IMMP2L: variants seen among roughly 807,000 people sequenced by gnomAD.
IMMP2L encodes inner mitochondrial membrane peptidase subunit 2, also known as mitochondrial inner membrane protease subunit 2.
Under a neutral mutation model 19.3 loss-of-function variants are expected in IMMP2L, and 18 were observed. The ratio of observed to expected loss-of-function variants is 0.93; its 90% CI spans 0.64 to 1.38. The LOEUF is 1.38. Among genes scored for constraint, IMMP2L ranks in the 40% most tolerant of loss-of-function variants. IMMP2L has a pLI of 0.00. For missense variants in IMMP2L, 233 were observed against 218.2 expected (o/e 1.07, Z -0.43); for synonymous variants, 76 against 73.0 (o/e 1.04, Z -0.21).
At chr7:111,087,450 A>G (rs1237207893) in intron 3 of IMMP2L, among the ~76,000 whole-genome samples, 2 of 151,490 alleles carry the variant, frequency 1.3e-5, no homozygotes. Flanking sequence ...CTCCATCTTA[A>G]AAAAAGAAAA....
intron 3 of IMMP2L, among the ~76,000 whole-genome samples, chr7:111,399,188 A>G (rs1380048081): frequency 6.6e-6 from 1 of 152,158 alleles, no homozygotes; most frequent in Non-Finnish European, 1.5e-5. Context: ...AGACTAAGCA[A>G]AAAGAACAAA....
intron 3 of IMMP2L, among the ~76,000 whole-genome samples, chr7:111,438,698 C>A (rs138095232): frequency 2.6e-5 from 4 of 151,904 alleles, no homozygotes; most frequent in Middle Eastern, 3.4e-3. Context: ...GCAGAGAAAG[C>A]CAATGTGAAA....
In IMMP2L at chr7:110,693,036, C is replaced by A. The variant is rs531750323; in HGVS notation, c.409-29315G>T. ...TTTTAAACAATTCTTCCTGGTGATG[C>A]ATCTCCATATTCAAGTTTGAGATCA... On this transcript the variant is annotated intron_variant, in intron 5 of 5. Transcript: ENST00000405709. Among the ~76,000 whole-genome samples the A allele has an allele frequency of 5.9e-5, 9 of 152,312 alleles. No individual in the cohort carries two copies. In the South Asian group the frequency reaches 1.4e-3, roughly 25 times the overall value.
chr7:111,052,164 G>A (rs944647893), intron 3 of IMMP2L, among the ~76,000 whole-genome samples: 2 of 152,164 alleles, frequency 1.3e-5, no homozygotes, highest in Admixed American at 6.5e-5. Flanking sequence ...TTTCTTTGAC[G>A]TATTTTAAAA....
chr7:110,985,417 G>T (rs1364481631), intron 3 of IMMP2L, among the ~76,000 whole-genome samples: 2 of 151,990 alleles, frequency 1.3e-5, no homozygotes, highest in Non-Finnish European at 2.9e-5. Flanking sequence ...AAATCATGAG[G>T]ATTATTGCTA....
chr7:111,311,417 T>C (rs1444826527), intron 3 of IMMP2L, among the ~76,000 whole-genome samples: 1 of 152,042 alleles, frequency 6.6e-6, no homozygotes, highest in Non-Finnish European at 1.5e-5. Context: ...ATTTTGGGTC[T>C]CCCCTCCCTG....
chr7:110,983,334 A>G (rs1821501146), intron 3 of IMMP2L, among the ~76,000 whole-genome samples: 1 of 151,708 alleles, frequency 6.6e-6, no homozygotes. Flanking sequence ...TTCTAAAAGT[A>G]ATACTTCATA....
chr7:111,234,130 G>A (rs1311102992), intron 3 of IMMP2L, among the ~76,000 whole-genome samples: 1 of 151,998 alleles, frequency 6.6e-6, no homozygotes, highest in Non-Finnish European at 1.5e-5. Flanking sequence ...TTTTCATTCA[G>A]TTCAGTTCAG....
chr7:110,749,491 CA>C (rs1797591176), intron 5 of IMMP2L, among the ~76,000 whole-genome samples: 1 of 152,080 alleles, frequency 6.6e-6, no homozygotes, highest in Non-Finnish European at 1.5e-5. Context: ...GACTTGGAAC[CA>C]ACCCAAATGC....
chr7:110,857,410 AT>A (rs1443065412), intron 5 of IMMP2L, among the ~76,000 whole-genome samples: 3 of 152,096 alleles, frequency 2.0e-5, no homozygotes, highest in East Asian at 1.9e-4. Context: ...CTGTCTTCAG[AT>A]TGTATATTAT....
chr7:111,425,127 G>A (rs1835940488), intron 3 of IMMP2L, among the ~76,000 whole-genome samples: 1 of 151,770 alleles, frequency 6.6e-6, no homozygotes, highest in Non-Finnish European at 1.5e-5. Context: ...TTTAGGGATT[G>A]CTTCCCCTTT....
chr7:111,555,695 G>C (rs974790716), intron 1 of IMMP2L, among the ~76,000 whole-genome samples: 7 of 151,668 alleles, frequency 4.6e-5, no homozygotes, highest in Non-Finnish European at 1.0e-4. Flanking sequence ...ATGTCCCCTA[G>C]GTTTACCTAT....
chr7:111,414,133 C>T (rs923715356), intron 3 of IMMP2L, among the ~76,000 whole-genome samples: 1 of 151,726 alleles, frequency 6.6e-6, no homozygotes, highest in Non-Finnish European at 1.5e-5. Flanking sequence ...ACTTCCACCA[C>T]ATACCACAGA....
intron 5 of IMMP2L, among the ~76,000 whole-genome samples, chr7:110,850,466 G>T (rs1442488710): frequency 2.0e-5 from 3 of 152,026 alleles, no homozygotes; most frequent in Non-Finnish European, 2.9e-5. Context: ...CTGAAAGTGG[G>T]TTTACATATG....
At chr7:110,915,987 C>T (rs1813568252) in intron 4 of IMMP2L, among the ~76,000 whole-genome samples, 1 of 152,128 alleles carries the variant, frequency 6.6e-6, no homozygotes, top group Admixed American at 6.6e-5. Flanking sequence ...AAGTGTTTAA[C>T]ACAGCCAATA....
At chr7:110,953,819 T>C (rs539019585) in intron 4 of IMMP2L, among the ~76,000 whole-genome samples, 1 of 152,212 alleles carries the variant, frequency 6.6e-6, no homozygotes, top group Non-Finnish European at 1.5e-5. Context: ...CCACATCCTC[T>C]CCAGCATCTG....
At chr7:110,860,691 TTA>T (rs1398997919) in intron 5 of IMMP2L, among the ~76,000 whole-genome samples, 1 of 152,078 alleles carries the variant, frequency 6.6e-6, no homozygotes, top group African/African-American at 2.4e-5. Flanking sequence ...AGTTCACAAA[TTA>T]TAGAGTTTAA....
At position 111,507,488 on chromosome 7, in the gene IMMP2L, C is replaced by T. The variant is rs371948513; in HGVS notation, c.135+13825G>A. On this transcript the variant is annotated intron_variant, in intron 2 of 5. Coordinates refer to ENST00000405709, the MANE Select transcript of IMMP2L (RefSeq NM_032549.4). ...TTAAGTACCATAAAACACAGATCAT[C>T]GTAATTCCAGTCCGCAGTAACAGAT... 1.9e-4 allele frequency among the ~76,000 whole-genome samples: 29 copies of T among 152,188 alleles called. No homozygotes were observed. The East Asian group carries it at 2.5e-3, about 13-fold the overall frequency.
At chr7:111,094,958 A>C (rs550249356) in intron 3 of IMMP2L, among the ~76,000 whole-genome samples, 1 of 152,186 alleles carries the variant, frequency 6.6e-6, no homozygotes, top group Non-Finnish European at 1.5e-5. Context: ...AGGAAGACTT[A>C]ATGTCCATCT....
Sources: allele counts gnomAD v4.1 joint callset (sites outside exome capture counted in the v4.1 genomes callset), GRCh38; gene constraint gnomAD v4.1.1; transcripts MANE v1.5; gene names NCBI Gene and HGNC (gene_info 2026-07-23, HGNC 2026-07-21).